Variants in ODR4 observed in about 807,000 individuals in gnomAD.
ODR4 encodes odr-4 GPCR localization factor homolog, also known as protein odr-4 homolog.
In ODR4, 47 loss-of-function variants were observed where a neutral mutation model predicts 60.2. The observed-to-expected ratio is 0.78, with a 90% CI of 0.62 to 1.00. The LOEUF is 1.00. Ranked by LOEUF, ODR4 falls within the 50% of genes least tolerant of loss-of-function variation. The probability of loss-of-function intolerance (pLI) is 0.00; values close to 1 mark genes in which losing one functional copy is unlikely to be tolerated. For synonymous variants in ODR4, 178 were observed against 175.5 expected, an observed-to-expected ratio of 1.01 and a Z score of -0.11; for missense variants, 488 against 530.8, an observed-to-expected ratio of 0.92 and a Z score of 0.79.
At chr1:186,412,676 A>C (rs1467663197) in intron 12 of ODR4, among the ~76,000 whole-genome samples, 3 of 152,130 alleles carry the variant, frequency 2.0e-5, no homozygotes, top group Admixed American at 1.3e-4. Flanking sequence ...ATTTACTCAA[A>C]GATAGTAGAT....
chr1:186,397,261 T>A (rs1660718523), intron 9 of ODR4, among the ~76,000 whole-genome samples: 1 of 152,220 alleles, frequency 6.6e-6, no homozygotes. Flanking sequence ...TATTCCTGAT[T>A]GCATAAGCAC....
chr1:186,401,149 C>T (rs180959681), intron 11 of ODR4: 7 of 1,595,742 alleles, frequency 4.4e-6, no homozygotes, highest in Non-Finnish European at 5.1e-6. Context: ...ATATGGCTAT[C>T]CTGGTATTCT....
intron 13 of ODR4, 123 bp downstream of exon 13, chr1:186,417,777 G>T: frequency 1.6e-6 from 1 of 612,442 alleles, no homozygotes; most frequent in Non-Finnish European, 2.9e-6. Context: ...AGTATTTATT[G>T]GGTATTATGG....
intron 12 of ODR4, among the ~76,000 whole-genome samples, chr1:186,407,438 G>T (rs1157875793): frequency 6.6e-6 from 1 of 151,878 alleles, no homozygotes; most frequent in Non-Finnish European, 1.5e-5. Context: ...TGTTTGTTTT[G>T]TTCACTTCTC....
At chr1:186,428,830 A>G in the ODR4 span, among the ~76,000 whole-genome samples, 5 of 152,228 alleles carry the variant, frequency 3.3e-5, no homozygotes, top group Admixed American at 6.5e-5. Flanking sequence ...TGATTGGTTG[A>G]GTAATCAGAA....
At chr1:186,423,443 CT>C (rs34515188), downstream of ODR4, among the ~76,000 whole-genome samples, 140 of 44,726 alleles carry the variant, frequency 3.1e-3, no homozygotes, top group African/African-American at 6.2e-3. Flanking sequence ...ACTACTTGTG[CT>C]TTTTTTTTTT....
intron 11 of ODR4, chr1:186,401,219 C>G (rs771171709): frequency 6.6e-7 from 1 of 1,513,922 alleles, no homozygotes; most frequent in South Asian, 1.1e-5. Flanking sequence ...TTAATGGCCC[C>G]TAACAGCAGT....
At chr1:186,410,813 C>G (rs923657104) in intron 12 of ODR4, among the ~76,000 whole-genome samples, 4 of 151,254 alleles carry the variant, frequency 2.6e-5, no homozygotes, top group African/African-American at 9.8e-5. Context: ...GTCGGGAGTT[C>G]AAGACCAGCC....
At chr1:186,377,174 A>G (rs982926064) in intron 1 of ODR4, among the ~76,000 whole-genome samples, 11 of 150,498 alleles carry the variant, frequency 7.3e-5, no homozygotes, top group Middle Eastern at 3.4e-3. Context: ...TAGTTGTTAT[A>G]TTATATTGTT....
At chr1:186,421,858 T>G (rs1661790591), downstream of ODR4, among the ~76,000 whole-genome samples, 1 of 72,612 alleles carries the variant, frequency 1.4e-5, no homozygotes, top group African/African-American at 5.6e-5. Context: ...TGAGACTCTA[T>G]CTCAAAAAAA....
At chr1:186,429,463 A>T in the ODR4 span, among the ~76,000 whole-genome samples, 1 of 152,178 alleles carries the variant, frequency 6.6e-6, no homozygotes, top group Non-Finnish European at 1.5e-5. Flanking sequence ...ACTACAATAA[A>T]ATAAGATATG....
intron 12 of ODR4, among the ~76,000 whole-genome samples, chr1:186,408,693 TATA>T (rs1010056271): frequency 4.6e-5 from 7 of 150,634 alleles, no homozygotes; most frequent in Non-Finnish European, 1.0e-4. Flanking sequence ...CTTATAAAAA[TATA>T]AAATATATCA....
chr1:186,419,293 T>C lies in ODR4; in HGVS notation c.*217T>C, dbSNP rs765495444. The C allele has an allele frequency of 1.1e-5, 6 of 551,592 alleles. No homozygotes were observed. The highest frequency in any genetic ancestry group is 1.9e-5 in the African/African-American group (1 of 53,154). The allele number at this position is 551,592 out of a possible 1,614,324, so 34.2% of individuals were successfully genotyped here. The stretch of plus-strand genomic sequence containing the variant: ...GCCCGCATTTCCAGAAATAACGTTA[T>C]GCATCTAGATGGAAGCTGCATGTAA... On this transcript the variant is annotated 3_prime_UTR_variant, in exon 14 of 14. Coordinates refer to ENST00000287859, the MANE Select transcript of ODR4 (RefSeq NM_017847.6).
the ODR4 span, among the ~76,000 whole-genome samples, chr1:186,430,546 G>A: frequency 3.3e-5 from 5 of 152,118 alleles, no homozygotes; most frequent in Non-Finnish European, 7.4e-5. Flanking sequence ...AATTCTGAAT[G>A]TCAATAAGCT....
At chr1:186,409,361 A>G (rs1166080953) in intron 12 of ODR4, among the ~76,000 whole-genome samples, 1 of 152,238 alleles carries the variant, frequency 6.6e-6, no homozygotes, top group Admixed American at 6.5e-5. Flanking sequence ...TTGAAAGAGC[A>G]AAAAGGGCCT....
intron 12 of ODR4, among the ~76,000 whole-genome samples, chr1:186,412,402 A>G (rs1169984664): frequency 7.2e-5 from 11 of 152,156 alleles, no homozygotes. Flanking sequence ...ATGAATACAA[A>G]TAAAAGTAGC....
intron 12 of ODR4, among the ~76,000 whole-genome samples, chr1:186,408,951 T>C (rs1661272748): frequency 1.3e-5 from 2 of 152,186 alleles, no homozygotes; most frequent in South Asian, 4.1e-4. Flanking sequence ...TAAACACAAG[T>C]ATATAGACTA....
chr1:186,401,241 TATGTTAAAC>T, intron 11 of ODR4: 1 of 1,379,532 alleles, frequency 7.2e-7, no homozygotes, highest in Non-Finnish European at 1.0e-6. Context: ...GTACTGTTTG[TATGTTAAAC>T]TTGATACATT....
chr1:186,398,651 A>G (rs538815790), intron 10 of ODR4, among the ~76,000 whole-genome samples: 1 of 152,182 alleles, frequency 6.6e-6, no homozygotes, highest in East Asian at 1.9e-4. Context: ...TGATGGCTAT[A>G]CAAGTTTAGT....
Sources: gnomAD v4.1 joint callset for allele counts (sites outside exome capture counted in the v4.1 genomes callset) on GRCh38, gnomAD v4.1.1 for gene constraint, MANE v1.5 for transcripts, NCBI Gene and HGNC (gene_info 2026-07-23, HGNC 2026-07-21) for gene names.